Variants in PLEKHM3 observed in about 807,000 individuals in gnomAD.
The protein encoded by PLEKHM3 is pleckstrin homology domain-containing family M member 3.
Under a neutral mutation model 81.8 loss-of-function variants are expected in PLEKHM3, and 45 were observed. The ratio of observed to expected loss-of-function variants is 0.55; its 90% CI spans 0.43 to 0.71. PLEKHM3 has a LOEUF of 0.71. Among genes scored for constraint, PLEKHM3 ranks in the 30% least tolerant of loss-of-function variants. The pLI, the probability that PLEKHM3 is intolerant of heterozygous loss-of-function variation, is 0.00. For missense variants in PLEKHM3, 788 were observed against 924.3 expected, an observed-to-expected ratio of 0.85 and a Z score of 1.91; for synonymous variants, 352 against 356.4, an observed-to-expected ratio of 0.99 and a Z score of 0.14.
intron 3 of PLEKHM3, among the ~76,000 whole-genome samples, chr2:207,963,669 T>G (rs916536007): frequency 2.6e-5 from 4 of 152,178 alleles, no homozygotes; most frequent in Non-Finnish European, 4.4e-5. Flanking sequence ...TAGGATGTAT[T>G]AAAAAGGAAG....
chr2:207,906,390 G>A (rs991351950), intron 6 of PLEKHM3, among the ~76,000 whole-genome samples: 2 of 152,228 alleles, frequency 1.3e-5, no homozygotes, highest in Admixed American at 1.3e-4. Flanking sequence ...GAGCTGATAT[G>A]TGCAAATAGG....
intron 2 of PLEKHM3, among the ~76,000 whole-genome samples, chr2:207,986,597 C>T (rs534512767): frequency 6.6e-6 from 1 of 152,192 alleles, no homozygotes; most frequent in Non-Finnish European, 1.5e-5. Flanking sequence ...CATGAAGGTA[C>T]AGAAGTTCTT....
chr2:207,978,416 C>T (rs769675457), intron 2 of PLEKHM3, among the ~76,000 whole-genome samples: 21 of 151,366 alleles, frequency 1.4e-4, no homozygotes, highest in Non-Finnish European at 2.4e-4. Context: ...CAAGAGAGAA[C>T]GTGCCTTCCG....
intron 2 of PLEKHM3, among the ~76,000 whole-genome samples, chr2:207,991,889 C>T (rs1046583274): frequency 4.6e-5 from 7 of 152,182 alleles, no homozygotes; most frequent in African/African-American, 1.7e-4. Flanking sequence ...CCTCGACATT[C>T]ACTAAGTGCT....
At chr2:207,897,961 C>T (rs1559226587) in intron 6 of PLEKHM3, among the ~76,000 whole-genome samples, 4 of 152,180 alleles carry the variant, frequency 2.6e-5, no homozygotes. Context: ...TGCAAAGTGA[C>T]CTGGAATAGC....
chr2:207,999,087 A>T (rs1459651641), intron 2 of PLEKHM3, among the ~76,000 whole-genome samples: 1 of 151,574 alleles, frequency 6.6e-6, no homozygotes, highest in African/African-American at 2.4e-5. Context: ...GGTTCAATCG[A>T]TTTTCATGCC....
chr2:207,980,760 A>G (rs1216232496), intron 2 of PLEKHM3, among the ~76,000 whole-genome samples: 2 of 152,114 alleles, frequency 1.3e-5, no homozygotes. Flanking sequence ...TAATAGAGAC[A>G]GGGTTTCACC....
intron 2 of PLEKHM3, among the ~76,000 whole-genome samples, chr2:208,000,825 C>T (rs1280958414): frequency 6.6e-6 from 1 of 151,748 alleles, no homozygotes; most frequent in Non-Finnish European, 1.5e-5. Flanking sequence ...GTAAAGTACA[C>T]AAGAAAATGG....
intron 2 of PLEKHM3, among the ~76,000 whole-genome samples, chr2:208,000,724 G>C: frequency 6.6e-6 from 1 of 152,144 alleles, no homozygotes; most frequent in Non-Finnish European, 1.5e-5. Context: ...TTAAGTATGA[G>C]AGTATTCCGA....
At chr2:207,981,839 T>C (rs1691535323) in intron 2 of PLEKHM3, among the ~76,000 whole-genome samples, 1 of 152,232 alleles carries the variant, frequency 6.6e-6, no homozygotes, top group South Asian at 2.1e-4. Flanking sequence ...ATGACTAATT[T>C]GATAAATGAA....
intron 3 of PLEKHM3, among the ~76,000 whole-genome samples, chr2:207,964,648 G>A (rs1479786210): frequency 6.6e-6 from 1 of 152,132 alleles, no homozygotes; most frequent in African/African-American, 2.4e-5. Context: ...AAAGTACAAT[G>A]CAGAACCATA....
At position 207,899,780 on chromosome 2, in the gene PLEKHM3, A is replaced by G. The variant is rs185464111; in HGVS notation, c.1950+8734T>C. 1.2e-3 allele frequency among the ~76,000 whole-genome samples: 183 copies of G among 152,322 alleles called. 1 individual carries two copies. Among genetic ancestry groups the G allele is most frequent in the Middle Eastern group, 3.4e-3 (1 of 294 alleles). ...TTAAGAAATGTCACAGTTGGTAGTG[A>G]AAATTTTCTTTAGCTTGCCCCCATG... On this transcript the variant is annotated intron_variant, in intron 6 of 7. Coordinates refer to ENST00000427836, the MANE Select transcript of PLEKHM3 (RefSeq NM_001080475.3).
chr2:207,884,902 T>A (rs757317523), intron 6 of PLEKHM3, among the ~76,000 whole-genome samples: 1 of 152,142 alleles, frequency 6.6e-6, no homozygotes, highest in South Asian at 2.1e-4. Context: ...TTGGAGTGGA[T>A]CATGAAAGAC....
chr2:208,001,444 G>A lies in PLEKHM3; in HGVS notation c.196C>T (p.Leu66=), dbSNP rs368442388. 10 of 1,614,134 alleles carry A rather than the reference G, an allele frequency of 6.2e-6. No individual in the cohort carries two copies. The highest frequency in any genetic ancestry group is 5.3e-5 in the African/African-American group (4 of 75,018). The part of the protein sequence containing the change: ...DNGAMRNVTS[L]GKGGMIWDHC... ...TCCCAAATCATGCCCCCCTTGCCCA[G>A]GGAGGTGACATTTCTCATAGCACCA... Residue 66 remains leucine, a synonymous_variant, in exon 2 of 8, where the codon CTG becomes TTG. Transcript: ENST00000427836.
intron 7 of PLEKHM3, among the ~76,000 whole-genome samples, chr2:207,835,833 C>T (rs1575265898): frequency 6.6e-6 from 1 of 151,942 alleles, no homozygotes; most frequent in African/African-American, 2.4e-5. Context: ...CTCTTCTTCC[C>T]AAGGGAAAAA....
intron 7 of PLEKHM3, 44 bp downstream of exon 7, chr2:207,861,061 A>T (rs2092464545): frequency 6.3e-7 from 1 of 1,598,692 alleles, no homozygotes; most frequent in East Asian, 2.2e-5. Context: ...AAAATGGCAT[A>T]TTACACATTT....
intron 1 of PLEKHM3, among the ~76,000 whole-genome samples, chr2:208,006,936 A>C (rs998303973): frequency 3.3e-5 from 5 of 152,206 alleles, no homozygotes; most frequent in Admixed American, 3.3e-4. Flanking sequence ...TGTTTTTTAC[A>C]TGCTCGTTAG....
chr2:207,885,489 A>G (rs1687859073), intron 6 of PLEKHM3, among the ~76,000 whole-genome samples: 2 of 152,242 alleles, frequency 1.3e-5, no homozygotes, highest in Admixed American at 1.3e-4. Context: ...TGTGTTCATC[A>G]AAGCAGGAAA....
At chr2:207,850,970 C>A (rs531789692) in intron 7 of PLEKHM3, among the ~76,000 whole-genome samples, 2 of 151,784 alleles carry the variant, frequency 1.3e-5, no homozygotes, top group Non-Finnish European at 2.9e-5. Flanking sequence ...CTGACCAACA[C>A]GATGAAACCC....
Sources: allele counts gnomAD v4.1 joint callset (sites outside exome capture counted in the v4.1 genomes callset), GRCh38; gene constraint gnomAD v4.1.1; transcripts MANE v1.5; gene names NCBI Gene and HGNC (gene_info 2026-07-23, HGNC 2026-07-21).